Variants in NAA38 observed in about 807,000 individuals in gnomAD.
NAA38 encodes the protein N-alpha-acetyltransferase 38, NatC auxiliary subunit.
Under a neutral mutation model 12.6 loss-of-function variants are expected in NAA38, and 15 were observed. The ratio of observed to expected loss-of-function variants is 1.19; its 90% CI spans 0.79 to 1.83. The LOEUF is 1.83. Among genes scored for constraint, NAA38 ranks in the 40% most tolerant of loss-of-function variants. The probability of loss-of-function intolerance (pLI) is 0.00; values close to 1 mark genes in which losing one functional copy is unlikely to be tolerated. For missense variants in NAA38, 183 were observed against 171.7 expected (o/e 1.07, Z -0.37); for synonymous variants, 88 against 69.9 (o/e 1.26, Z -1.29).
chr17:7,857,182 C>A lies in NAA38; in HGVS notation c.98G>T (p.Arg33Leu). The change falls in exon 2 of 3, where the codon CGC becomes CTC. Residue 33 changes from arginine (R) to leucine (L), a missense_variant. Arg to Leu is a moderately radical substitution (Grantham distance 102, BLOSUM62 -2). Coordinates refer to ENST00000575771, the MANE Select transcript of NAA38 (RefSeq NM_001320925.4). The part of the protein sequence containing the change: ...SSSAGDSDGE[R>L]EDSAAERARQ... ...GGCGCGCTCAGCCGCCGAGTCCTCG[C>A]GCTCTCCGTCCGAATCCTGCGCGGG... 6.2e-7 allele frequency: 1 copy of A among 1,613,106 alleles called. No homozygotes were observed. The highest frequency in any genetic ancestry group is 1.3e-5 in the African/African-American group (1 of 75,054).
chr17:7,881,690 A>G (rs1941738410), intron 2 of NAA38, among the ~76,000 whole-genome samples: 1 of 150,392 alleles, frequency 6.6e-6, no homozygotes. Flanking sequence ...GGCAAGGGAA[A>G]AGGAGGAACT....
chr17:7,879,538 A>G (rs998410259), intron 2 of NAA38, among the ~76,000 whole-genome samples: 1 of 151,998 alleles, frequency 6.6e-6, no homozygotes. Context: ...TGCGTTAAAT[A>G]ATCTTATTCT....
intron 2 of NAA38, chr17:7,866,649 C>T (rs769484811): frequency 1.7e-6 from 1 of 585,410 alleles, no homozygotes. Flanking sequence ...AGTTGGCCAC[C>T]TGGCTCCTTA....
At chr17:7,868,881 A>G (rs982836465) in intron 2 of NAA38, among the ~76,000 whole-genome samples, 2 of 152,214 alleles carry the variant, frequency 1.3e-5, no homozygotes, top group African/African-American at 4.8e-5. Context: ...GAAGTTTTTG[A>G]GTCAAGTAAA....
At position 7,857,558 on chromosome 17, in the gene NAA38, T is replaced by C; in HGVS notation, c.-95A>G. 7.0e-7 allele frequency: 1 copy of C among 1,419,556 alleles called. No individual in the cohort carries two copies. The allele number at this position is 1,419,556 out of a possible 1,614,324, so 87.9% of individuals were successfully genotyped here. ...GCGAGCGCTCCCGACCTCTTTCCTT[T>C]CGCGAGATCCCCTCTCCTCCCCCTC... is the stretch of plus-strand genomic sequence containing the variant. On this transcript the variant is annotated 5_prime_UTR_variant, in exon 1 of 3. Coordinates refer to ENST00000575771, the MANE Select transcript of NAA38 (RefSeq NM_001320925.4).
intron 2 of NAA38, among the ~76,000 whole-genome samples, chr17:7,875,506 T>A (rs1297529731): frequency 2.0e-5 from 3 of 152,136 alleles, no homozygotes; most frequent in Admixed American, 2.0e-4. Context: ...GGCTAATTTT[T>A]AAACTTTTTT....
upstream of NAA38, chr17:7,858,968 G>A: frequency 4.1e-6 from 3 of 728,002 alleles, no homozygotes; most frequent in East Asian, 5.6e-5. Flanking sequence ...GGAAAGCACA[G>A]CACCTAGGTC....
chr17:7,869,166 TG>T (rs1245552192), intron 2 of NAA38, among the ~76,000 whole-genome samples: 1 of 152,224 alleles, frequency 6.6e-6, no homozygotes, highest in African/African-American at 2.4e-5. Context: ...CAGTGCTTTA[TG>T]TAAGTTAGCT....
exon 1 of NAA38, chr17:7,885,174 G>A: frequency 1.0e-6 from 1 of 979,178 alleles, no homozygotes. Context: ...CCGCGCGGCC[G>A]AGCCGAGGCG....
At chr17:7,866,809 T>C (rs1205745008) in intron 2 of NAA38, among the ~76,000 whole-genome samples, 1 of 152,216 alleles carries the variant, frequency 6.6e-6, no homozygotes, top group East Asian at 1.9e-4. Context: ...CTTCTTAGAC[T>C]GTAAGTACCA....
intron 1 of NAA38, chr17:7,884,950 C>T (rs765541522): frequency 7.5e-6 from 10 of 1,328,860 alleles, no homozygotes; most frequent in Non-Finnish European, 8.8e-6. Context: ...AGGACGACGA[C>T]GAGGGAGTAC....
intron 2 of NAA38, 53 bp from the exon 3 acceptor site, chr17:7,856,896 C>T: frequency 6.3e-7 from 1 of 1,597,894 alleles, no homozygotes; most frequent in Non-Finnish European, 8.5e-7. Context: ...AGTCCCGCCC[C>T]TCTGAGCCAC....
intron 1 of NAA38, chr17:7,884,908 GGAGGT>G: frequency 7.1e-7 from 1 of 1,417,348 alleles, no homozygotes; most frequent in Non-Finnish European, 9.3e-7. Context: ...AGGAGGAGGA[GGAGGT>G]GGAGGCGGCC....
chr17:7,866,530 CTTT>C (rs1379925166), exon 3 of NAA38: 10 of 1,231,328 alleles, frequency 8.1e-6, no homozygotes, highest in Admixed American at 8.4e-5. Context: ...TCAGGCTCTT[CTTT>C]GTCTCCCACG....
At chr17:7,876,147 A>G (rs1430437682) in intron 2 of NAA38, among the ~76,000 whole-genome samples, 1 of 152,092 alleles carries the variant, frequency 6.6e-6, no homozygotes, top group East Asian at 1.9e-4. Context: ...TTGGGTGTAC[A>G]CTTAGTATTG....
At chr17:7,857,684 G>C, upstream of NAA38, 1 of 1,321,656 alleles carries the variant, frequency 7.6e-7, no homozygotes, top group Non-Finnish European at 9.6e-7. Context: ...AAGATATCGC[G>C]AGACCTTTAC....
chr17:7,858,822 G>A, upstream of NAA38: 1 of 1,538,332 alleles, frequency 6.5e-7, no homozygotes, highest in Non-Finnish European at 8.8e-7. Context: ...GCACACACTG[G>A]AGGTGAGAAC....
chr17:7,859,069 G>A, upstream of NAA38: 1 of 571,642 alleles, frequency 1.7e-6, no homozygotes, highest in Non-Finnish European at 3.1e-6. Context: ...GTATCTTAGT[G>A]ATGGTGGTCC....
intron 2 of NAA38, among the ~76,000 whole-genome samples, chr17:7,867,865 G>T (rs1053124286): frequency 6.6e-6 from 1 of 152,168 alleles, no homozygotes; most frequent in East Asian, 1.9e-4. Flanking sequence ...TTGGGTAGGG[G>T]TCTAAGGCAA....
Sources: gnomAD v4.1 joint callset for allele counts (sites outside exome capture counted in the v4.1 genomes callset) on GRCh38, gnomAD v4.1.1 for gene constraint, MANE v1.5 for transcripts, NCBI Gene and HGNC (gene_info 2026-07-23, HGNC 2026-07-21) for gene names.